GPD2: variants seen among roughly 807,000 people sequenced by gnomAD.
GPD2 encodes the protein glycerol-3-phosphate dehydrogenase, mitochondrial.
In GPD2, 54 loss-of-function variants were observed where a neutral mutation model predicts 82.4. The observed-to-expected ratio is 0.66, with a 90% CI of 0.53 to 0.82. The LOEUF (loss-of-function observed/expected upper bound fraction) is 0.82. Ranked by LOEUF, GPD2 falls within the 40% of genes least tolerant of loss-of-function variation. GPD2 has a pLI of 0.00. For synonymous variants in GPD2, 288 were observed against 306.1 expected (o/e 0.94, Z 0.62); for missense variants, 748 against 896.2 (o/e 0.83, Z 2.11).
At chr2:156,548,030 T>C (rs1364370915) in intron 6 of GPD2, among the ~76,000 whole-genome samples, 1 of 152,212 alleles carries the variant, frequency 6.6e-6, no homozygotes, top group Non-Finnish European at 1.5e-5. Context: ...TATGTGCCTT[T>C]GTGGGGCAGG....
chr2:156,579,055 T>C, intron 14 of GPD2, 31 bp from the exon 15 acceptor site: 1 of 1,564,194 alleles, frequency 6.4e-7, no homozygotes, highest in Non-Finnish European at 8.8e-7. Flanking sequence ...TATGTAAGTA[T>C]ATTTTTCCAT....
intron 1 of GPD2, among the ~76,000 whole-genome samples, chr2:156,451,766 A>G (rs7606799): frequency 0.9 from 130,277 of 144,922 alleles, 59,492 homozygotes; most frequent in South Asian, 0.98. Flanking sequence ...CCTCCCTCCC[A>G]GACAGGGTGG....
At chr2:156,546,918 A>C (rs1686562565) in intron 6 of GPD2, among the ~76,000 whole-genome samples, 1 of 4,398 alleles carries the variant, frequency 2.3e-4, no homozygotes, top group African/African-American at 2.6e-4. Context: ...GAATTTCAAT[A>C]CCTGTTTAAC....
At chr2:156,425,342 A>G in the GPD2 span, among the ~76,000 whole-genome samples, 1 of 152,280 alleles carries the variant, frequency 6.6e-6, no homozygotes, top group African/African-American at 2.4e-5. Context: ...CTCCCAAAGT[A>G]CTGGGGTTAC....
intron 6 of GPD2, among the ~76,000 whole-genome samples, chr2:156,543,762 C>T (rs868369842): frequency 3.0e-4 from 46 of 152,168 alleles, no homozygotes; most frequent in Admixed American, 3.9e-4. Context: ...TTGGGCACTG[C>T]GGTCAGTCTG....
intron 1 of GPD2, 139 bp downstream of exon 1, chr2:156,436,652 T>C (rs1681935765): frequency 6.6e-6 from 1 of 152,230 alleles, no homozygotes; most frequent in Non-Finnish European, 1.5e-5. Context: ...ATTTAGAATT[T>C]CTTCCCACCA....
chr2:156,536,481 T>C (rs1244092301), intron 6 of GPD2, among the ~76,000 whole-genome samples: 1 of 152,246 alleles, frequency 6.6e-6, no homozygotes, highest in Non-Finnish European at 1.5e-5. Flanking sequence ...AGCTACGATA[T>C]TGATTGAAAA....
At position 156,568,949 on chromosome 2, in the gene GPD2, T is replaced by C. The variant is rs1476099732; in HGVS notation, c.1290T>C (p.Ile430=). 1 of 1,609,456 alleles carries C rather than the reference T, an allele frequency of 6.2e-7. No homozygotes were observed. The highest frequency in any genetic ancestry group is 1.7e-5 in the Admixed American group (1 of 59,934). The change falls in exon 10 of 17, where the codon ATT becomes ATC. Residue 430 remains isoleucine, a synonymous_variant. Coordinates refer to ENST00000438166, the MANE Select transcript of GPD2 (RefSeq NM_000408.5). ...HVVDISESGL[I]TIAGGKWTTY... ...TTGATATCAGTGAGAGTGGCCTTAT[T>C]ACTATAGCAGGTATGAGATACTACC...
At chr2:156,557,685 A>G in intron 9 of GPD2, 103 bp downstream of exon 9, 1 of 757,904 alleles carries the variant, frequency 1.3e-6, no homozygotes, top group Non-Finnish European at 2.4e-6. Flanking sequence ...ACTCATCTTC[A>G]CACTTGTCCT....
At chr2:156,525,726 G>A (rs1232206357) in intron 6 of GPD2, among the ~76,000 whole-genome samples, 5 of 152,108 alleles carry the variant, frequency 3.3e-5, no homozygotes, top group East Asian at 3.8e-4. Flanking sequence ...TTTCCTATAA[G>A]TGTGGTTATG....
chr2:156,509,927 C>T (rs1368158107), intron 3 of GPD2, among the ~76,000 whole-genome samples: 2 of 151,918 alleles, frequency 1.3e-5, no homozygotes, highest in Non-Finnish European at 2.9e-5. Flanking sequence ...GCGCATGCCA[C>T]CATGCCACCA....
At chr2:156,547,019 A>G (rs1686568379) in intron 6 of GPD2, among the ~76,000 whole-genome samples, 1 of 152,174 alleles carries the variant, frequency 6.6e-6, no homozygotes, top group African/African-American at 2.4e-5. Context: ...ACAAACAAGT[A>G]AGCCTTTCTG....
At chr2:156,573,579 G>T in intron 13 of GPD2, among the ~76,000 whole-genome samples, 1 of 152,160 alleles carries the variant, frequency 6.6e-6, no homozygotes, top group East Asian at 1.9e-4. Flanking sequence ...TAGGAGGTAG[G>T]AAGGAGGAAG....
intron 9 of GPD2, among the ~76,000 whole-genome samples, chr2:156,566,184 A>T (rs1444144630): frequency 1.3e-5 from 2 of 152,080 alleles, no homozygotes; most frequent in African/African-American, 4.8e-5. Context: ...ATATCAGTTT[A>T]TCCTTTTATC....
chr2:156,545,589 G>C (rs1162167486), intron 6 of GPD2, among the ~76,000 whole-genome samples: 10 of 152,224 alleles, frequency 6.6e-5, no homozygotes. Context: ...TATACTGGCA[G>C]GTAGATATCA....
intron 3 of GPD2, among the ~76,000 whole-genome samples, chr2:156,504,174 T>C (rs1684698646): frequency 6.6e-6 from 1 of 152,132 alleles, no homozygotes; most frequent in African/African-American, 2.4e-5. Context: ...AATATTCACT[T>C]TTGGAAAATA....
At chr2:156,438,714 A>C (rs1169107329) in intron 1 of GPD2, among the ~76,000 whole-genome samples, 2 of 152,234 alleles carry the variant, frequency 1.3e-5, no homozygotes, top group African/African-American at 4.8e-5. Context: ...GAGGACTAGA[A>C]ATCAAATATA....
intron 1 of GPD2, among the ~76,000 whole-genome samples, chr2:156,451,275 A>G (rs1454027354): frequency 1.3e-5 from 2 of 149,926 alleles, no homozygotes; most frequent in Admixed American, 6.6e-5. Flanking sequence ...CGGACGGGGC[A>G]GCTGGCAGGG....
chr2:156,571,447 G>T (rs899679604), intron 13 of GPD2, among the ~76,000 whole-genome samples, 155 bp downstream of exon 13: 1 of 152,068 alleles, frequency 6.6e-6, no homozygotes, highest in African/African-American at 2.4e-5. Flanking sequence ...TTAGGAAAAT[G>T]GAAAGATATT....
Sources: gnomAD v4.1 joint callset for allele counts (sites outside exome capture counted in the v4.1 genomes callset) on GRCh38, gnomAD v4.1.1 for gene constraint, MANE v1.5 for transcripts, NCBI Gene and HGNC (gene_info 2026-07-23, HGNC 2026-07-21) for gene names.